The following TPRG1 variants were observed in gnomAD, a reference collection of about 807,000 sequenced individuals.
TPRG1 encodes tumor protein p63 regulated 1, also known as tumor protein p63-regulated gene 1 protein.
A neutral mutation model predicts 29.3 loss-of-function variants in TPRG1; 29 were observed. The observed-to-expected ratio is 0.99, with a 90% CI of 0.74 to 1.35. The LOEUF is 1.35. TPRG1 is among the 40% of genes most tolerant of loss of function. TPRG1 has a pLI of 0.00. For synonymous variants in TPRG1, 130 were observed against 116.8 expected (o/e 1.11, Z -0.73); for missense variants, 327 against 335.0 (o/e 0.98, Z 0.19).
chr3:189,193,837 G>T (rs754205992), intron 1 of TPRG1, among the ~76,000 whole-genome samples: 11 of 149,744 alleles, frequency 7.3e-5, no homozygotes, highest in Non-Finnish European at 1.2e-4. Flanking sequence ...TCGTCTGTCC[G>T]TATGTTTTTG....
intron 1 of TPRG1, among the ~76,000 whole-genome samples, chr3:189,185,936 G>C (rs112613876): frequency 2.2e-4 from 33 of 152,146 alleles, no homozygotes; most frequent in African/African-American, 7.9e-4. Context: ...TTAAAAATAT[G>C]ATTTCCAAGG....
chr3:189,270,678 G>C (rs1714969395), intron 4 of TPRG1, among the ~76,000 whole-genome samples: 1 of 152,188 alleles, frequency 6.6e-6, no homozygotes, highest in Admixed American at 6.5e-5. Flanking sequence ...CTGTGGATGA[G>C]ACACTGTATT....
At chr3:189,187,383 T>C (rs1281873218) in intron 1 of TPRG1, among the ~76,000 whole-genome samples, 2 of 152,098 alleles carry the variant, frequency 1.3e-5, no homozygotes, top group Non-Finnish European at 2.9e-5. Context: ...ATTGGCTCAC[T>C]GCAACCTCTG....
At chr3:189,027,323 G>A (rs1262651083) in intron 4 of TPRG1, among the ~76,000 whole-genome samples, 1 of 152,154 alleles carries the variant, frequency 6.6e-6, no homozygotes, top group Non-Finnish European at 1.5e-5. Context: ...TATTCAGAAT[G>A]CCTACAAGCA....
At chr3:189,171,836 A>G (rs1728848978), upstream of TPRG1, 3 of 152,220 alleles carry the variant, frequency 2.0e-5, 1 homozygote, top group South Asian at 6.2e-4. Context: ...ACAGGAGGTA[A>G]AGGTGTGTCA....
Position 189,166,232 on chromosome 3 carries a change from G to A in TPRG1, c.-10+15360G>A, listed in dbSNP as rs116386601. ...CTGTGTTGATAGATGAGTGCCATAG[G>A]ATCTTCCTCTCTGGTTCAACTCCTA... On this transcript the variant is annotated intron_variant, in intron 5 of 6. Transcript: ENST00000412373. Among the ~76,000 whole-genome samples the A allele has an allele frequency of 6.3e-3, 966 of 152,182 alleles. 12 individuals carry two copies. The highest frequency in any genetic ancestry group is 0.022 in the African/African-American group (928 of 41,502).
chr3:189,274,507 C>T (rs1715763879), intron 4 of TPRG1, among the ~76,000 whole-genome samples: 1 of 151,948 alleles, frequency 6.6e-6, no homozygotes, highest in African/African-American at 2.4e-5. Context: ...CGGTGACTTC[C>T]CTGATTTTTG....
intron 3 of TPRG1, among the ~76,000 whole-genome samples, chr3:189,231,943 T>TTTTGTGTGTGTGTGTG (rs984741268): frequency 4.1e-5 from 6 of 147,706 alleles, no homozygotes; most frequent in Non-Finnish European, 7.5e-5. Flanking sequence ...CAAACCTGGT[T>TTTTGTGTGTGTGTGTG]TGTGTGTGTG....
intron 4 of TPRG1, among the ~76,000 whole-genome samples, chr3:189,026,163 T>C (rs1713651032): frequency 6.6e-6 from 1 of 152,212 alleles, no homozygotes; most frequent in Non-Finnish European, 1.5e-5. Context: ...ATTATGATGC[T>C]AACAGGGTTG....
chr3:188,997,512 G>T (rs930942403), intron 1 of TPRG1, among the ~76,000 whole-genome samples: 1 of 152,144 alleles, frequency 6.6e-6, no homozygotes, highest in Admixed American at 6.5e-5. Flanking sequence ...TGATCTTCTA[G>T]AGTGATCAGT....
intron 5 of TPRG1, among the ~76,000 whole-genome samples, chr3:189,316,803 G>A (rs1373767478): frequency 6.6e-6 from 1 of 152,184 alleles, no homozygotes; most frequent in African/African-American, 2.4e-5. Context: ...AAAGCTTTTA[G>A]GGAAAAGTAT....
At chr3:189,225,081 G>A (rs549234824) in intron 3 of TPRG1, among the ~76,000 whole-genome samples, 182 of 152,072 alleles carry the variant, frequency 1.2e-3, no homozygotes, top group Admixed American at 3.7e-3. Context: ...ACAGGCGCCC[G>A]CCACCACGCC....
intron 3 of TPRG1, among the ~76,000 whole-genome samples, chr3:189,225,602 G>T (rs1737607036): frequency 6.6e-6 from 1 of 152,130 alleles, no homozygotes; most frequent in Non-Finnish European, 1.5e-5. Flanking sequence ...CATTTTAACA[G>T]CAGTTATACA....
chr3:189,032,971 C>A (rs1023617059), intron 4 of TPRG1, among the ~76,000 whole-genome samples: 5 of 151,996 alleles, frequency 3.3e-5, no homozygotes, highest in Non-Finnish European at 5.9e-5. Context: ...TGTATATGTG[C>A]CACATTTTCT....
chr3:189,047,001 T>A (rs1261090355), intron 4 of TPRG1, among the ~76,000 whole-genome samples: 1 of 152,166 alleles, frequency 6.6e-6, no homozygotes, highest in East Asian at 1.9e-4. Flanking sequence ...AAAGCTTTGT[T>A]TAAGGCAATG....
At chr3:189,190,941 C>G (rs1254556343) in intron 1 of TPRG1, 1 of 985,148 alleles carries the variant, frequency 1.0e-6, no homozygotes, top group East Asian at 1.1e-4. Context: ...AATGAGCCGG[C>G]TTTGAGATAA....
At chr3:189,178,768 G>A (rs1318133436) in intron 1 of TPRG1, among the ~76,000 whole-genome samples, 2 of 152,120 alleles carry the variant, frequency 1.3e-5, no homozygotes, top group African/African-American at 4.8e-5. Flanking sequence ...TCATAATTTT[G>A]GAGATAACTT....
intron 1 of TPRG1, among the ~76,000 whole-genome samples, chr3:189,185,027 G>T (rs991275964): frequency 6.6e-6 from 1 of 152,184 alleles, no homozygotes; most frequent in African/African-American, 2.4e-5. Flanking sequence ...TGTTAAGGAG[G>T]TAGGAATGAG....
At chr3:189,276,617 T>C (rs1300922282) in intron 4 of TPRG1, among the ~76,000 whole-genome samples, 1 of 152,210 alleles carries the variant, frequency 6.6e-6, no homozygotes, top group African/African-American at 2.4e-5. Flanking sequence ...TACTGATGTC[T>C]AAGGGATTTC....
Sources: allele counts gnomAD v4.1 joint callset (sites outside exome capture counted in the v4.1 genomes callset), GRCh38; gene constraint gnomAD v4.1.1; transcripts MANE v1.5; gene names NCBI Gene and HGNC (gene_info 2026-07-23, HGNC 2026-07-21).